Variants in CPNE4 observed in about 807,000 individuals in gnomAD.
CPNE4 encodes copine 4.
In CPNE4, 25 loss-of-function variants were observed where a neutral mutation model predicts 67.9. That is an observed-to-expected ratio of 0.37 (90% CI 0.27 to 0.51). The LOEUF is 0.51. Among genes scored for constraint, CPNE4 ranks in the 20% least tolerant of loss-of-function variants. The pLI is 0.93. For synonymous variants in CPNE4, 242 were observed against 244.9 expected (o/e 0.99, Z 0.11); for missense variants, 464 against 690.8 (o/e 0.67, Z 3.68).
At chr3:131,596,621 C>CAAAAAAAAAAAA (rs58456346) in intron 7 of CPNE4, among the ~76,000 whole-genome samples, 9 of 32,980 alleles carry the variant, frequency 2.7e-4, no homozygotes, top group African/African-American at 7.5e-4. Context: ...GACTCCGTCT[C>CAAAAAAAAAAAA]AAAAAAAAAA....
chr3:131,678,483 G>A (rs2369132), intron 6 of CPNE4, among the ~76,000 whole-genome samples: 7,660 of 152,166 alleles, frequency 0.05, 548 homozygotes, highest in East Asian at 0.35. Flanking sequence ...TTGAATAGGA[G>A]TGGTGAGAGA....
chr3:131,814,481 C>G (rs537601895), intron 2 of CPNE4, among the ~76,000 whole-genome samples: 2 of 148,738 alleles, frequency 1.3e-5, no homozygotes, highest in Non-Finnish European at 3.0e-5. Flanking sequence ...AGGGAGAAAA[C>G]TAGGAATACT....
At chr3:131,642,661 T>C (rs2079568549) in intron 7 of CPNE4, among the ~76,000 whole-genome samples, 2 of 152,180 alleles carry the variant, frequency 1.3e-5, no homozygotes, top group Non-Finnish European at 2.9e-5. Context: ...CCCATGCTGC[T>C]GTTCTCATAA....
intron 5 of CPNE4, among the ~76,000 whole-genome samples, chr3:131,695,347 T>A (rs1295660293): frequency 6.6e-6 from 1 of 152,198 alleles, no homozygotes; most frequent in Non-Finnish European, 1.5e-5. Flanking sequence ...TTCAATTCTA[T>A]GAGCAAGTGT....
intron 5 of CPNE4, among the ~76,000 whole-genome samples, chr3:131,696,088 C>T (rs1184555050): frequency 2.0e-5 from 3 of 151,248 alleles, no homozygotes; most frequent in South Asian, 2.1e-4. Flanking sequence ...AAAGAGTGAA[C>T]CAGTGAATGC....
Position 132,016,782 on chromosome 3 carries a change from G to T in CPNE4, c.-2+17785C>A, listed in dbSNP as rs574786343. 1.6e-3 allele frequency among the ~76,000 whole-genome samples: 236 copies of T among 152,240 alleles called. 2 individuals are homozygous for T. Among genetic ancestry groups the T allele is most frequent in the African/African-American group, 5.5e-3 (230 of 41,544 alleles). Reference sequence around the variant, plus strand: ...TTGGTCCGTTCTCAGGACTCAAAAGGCTTCTCCTTCATCCATCTAGCAGTC... The same window carrying T: ...TTGGTCCGTTCTCAGGACTCAAAAGTCTTCTCCTTCATCCATCTAGCAGTC... On this transcript the variant is annotated intron_variant, in intron 1 of 15. Transcript: ENST00000429747.
At chr3:131,708,955 AAGATATATATATATATATATATATAT>A (rs2081484084) in intron 3 of CPNE4, among the ~76,000 whole-genome samples, 1 of 41,046 alleles carries the variant, frequency 2.4e-5, no homozygotes, top group African/African-American at 7.8e-5. Context: ...TGAGGGCATA[AAGATATATATATATATATATATATAT>A]ATATATATAT....
chr3:131,994,442 A>G (rs1357623271), intron 1 of CPNE4, among the ~76,000 whole-genome samples: 2 of 94,028 alleles, frequency 2.1e-5, no homozygotes, highest in African/African-American at 5.4e-5. Flanking sequence ...CAGCTGCACC[A>G]TCTGGCAGCT....
intron 2 of CPNE4, among the ~76,000 whole-genome samples, chr3:131,827,918 C>T (rs2085226182): frequency 6.6e-6 from 1 of 151,926 alleles, no homozygotes; most frequent in African/African-American, 2.4e-5. Flanking sequence ...TTAAAAAATA[C>T]CTTGTGACAT....
intron 2 of CPNE4, among the ~76,000 whole-genome samples, chr3:131,738,289 G>A (rs2082284553): frequency 6.6e-6 from 1 of 152,262 alleles, no homozygotes; most frequent in African/African-American, 2.4e-5. Context: ...CATTGTGATA[G>A]TAAGAGCAGT....
intron 12 of CPNE4, 137 bp downstream of exon 12, chr3:131,555,360 T>G (rs1381958909): frequency 2.4e-5 from 16 of 669,448 alleles, no homozygotes; most frequent in Non-Finnish European, 4.1e-5. Flanking sequence ...TCACTGATTC[T>G]GAAGACAATT....
chr3:131,807,405 A>G (rs1441098441), intron 2 of CPNE4, among the ~76,000 whole-genome samples: 3 of 152,110 alleles, frequency 2.0e-5, no homozygotes, highest in African/African-American at 7.2e-5. Context: ...GGAGATACTT[A>G]GGTCATTATA....
At chr3:131,990,420 G>A (rs2073150655) in intron 1 of CPNE4, among the ~76,000 whole-genome samples, 1 of 135,450 alleles carries the variant, frequency 7.4e-6, no homozygotes, top group African/African-American at 2.5e-5. Context: ...TTTTATGTGT[G>A]TGTTATGTGT....
intron 7 of CPNE4, among the ~76,000 whole-genome samples, chr3:131,639,845 T>C (rs1310687902): frequency 6.6e-6 from 1 of 152,134 alleles, no homozygotes; most frequent in African/African-American, 2.4e-5. Flanking sequence ...GGATATGAGA[T>C]GGTTTAACAT....
At chr3:131,823,130 C>G (rs1490296262) in intron 2 of CPNE4, among the ~76,000 whole-genome samples, 1 of 152,184 alleles carries the variant, frequency 6.6e-6, no homozygotes. Flanking sequence ...TGAGCCACTG[C>G]GCCCGGTCTG....
chr3:131,684,796 C>T (rs2080847652), intron 6 of CPNE4, among the ~76,000 whole-genome samples: 1 of 152,186 alleles, frequency 6.6e-6, no homozygotes, highest in African/African-American at 2.4e-5. Flanking sequence ...CCTACAAAAT[C>T]CCTCTTGGAC....
intron 2 of CPNE4, among the ~76,000 whole-genome samples, chr3:131,730,117 C>T (rs1160851961): frequency 6.6e-6 from 1 of 152,064 alleles, no homozygotes; most frequent in African/African-American, 2.4e-5. Flanking sequence ...AATTGGAGTG[C>T]ATGTTATAAT....
intron 2 of CPNE4, among the ~76,000 whole-genome samples, chr3:131,782,250 A>G (rs1450772151): frequency 6.6e-6 from 1 of 152,112 alleles, no homozygotes; most frequent in East Asian, 1.9e-4. Context: ...CAAAATAAAA[A>G]TATAATGTCT....
chr3:131,872,710 C>T (rs2087270121), intron 2 of CPNE4, among the ~76,000 whole-genome samples: 1 of 152,230 alleles, frequency 6.6e-6, no homozygotes, highest in Non-Finnish European at 1.5e-5. Flanking sequence ...CTCTCTGTCT[C>T]TCTCTTTATC....
Sources: allele counts gnomAD v4.1 joint callset (sites outside exome capture counted in the v4.1 genomes callset), GRCh38; gene constraint gnomAD v4.1.1; transcripts MANE v1.5; gene names NCBI Gene and HGNC (gene_info 2026-07-23, HGNC 2026-07-21).